Variants in JAM2 observed in about 807,000 individuals in gnomAD.
JAM2 encodes the protein junctional adhesion molecule B.
JAM2 carries 17 observed loss-of-function variants against 42.0 expected under a neutral mutation model. The ratio of observed to expected loss-of-function variants is 0.40; its 90% CI spans 0.28 to 0.61. The LOEUF (loss-of-function observed/expected upper bound fraction) is 0.61, where lower values mean the gene tolerates loss of function less well. Ranked by LOEUF, JAM2 falls within the 20% of genes least tolerant of loss-of-function variation. JAM2 has a pLI of 0.37. For missense variants in JAM2, 319 were observed against 358.3 expected (o/e 0.89, Z 0.89); for synonymous variants, 118 against 128.6 (o/e 0.92, Z 0.56).
intron 1 of JAM2, among the ~76,000 whole-genome samples, chr21:25,641,054 A>G (rs1031655900): frequency 2.0e-5 from 3 of 152,226 alleles, no homozygotes; most frequent in Admixed American, 1.3e-4. Flanking sequence ...GGCAAGGGAC[A>G]TGTACTGACC....
intron 4 of JAM2, among the ~76,000 whole-genome samples, chr21:25,695,466 G>A (rs568685127): frequency 7.2e-4 from 109 of 152,292 alleles, no homozygotes; most frequent in African/African-American, 2.5e-3. Context: ...TCGTCATCAT[G>A]GCCCGTTCTC....
intron 5 of JAM2, among the ~76,000 whole-genome samples, chr21:25,699,493 T>A (rs571350108): frequency 1.3e-5 from 2 of 151,744 alleles, no homozygotes; most frequent in Admixed American, 1.3e-4. Context: ...GAGGCCGAGG[T>A]GGGCGGATCA....
chr21:25,675,389 G>C (rs895607123), intron 1 of JAM2, among the ~76,000 whole-genome samples: 1 of 152,028 alleles, frequency 6.6e-6, no homozygotes, highest in Non-Finnish European at 1.5e-5. Context: ...CCAGCTACTC[G>C]GGAGGCCGAA....
At chr21:25,642,469 G>A (rs572906875) in intron 1 of JAM2, among the ~76,000 whole-genome samples, 1 of 152,210 alleles carries the variant, frequency 6.6e-6, no homozygotes, top group East Asian at 1.9e-4. Flanking sequence ...CTTCCCAGAT[G>A]TAACTGTGCC....
chr21:25,645,717 A>T (rs2032588706), intron 1 of JAM2, among the ~76,000 whole-genome samples: 1 of 152,200 alleles, frequency 6.6e-6, no homozygotes, highest in East Asian at 1.9e-4. Flanking sequence ...TTGTGTGATC[A>T]TAGAGTGTAC....
chr21:25,684,336 C>A (rs1053509612), intron 2 of JAM2, among the ~76,000 whole-genome samples: 1 of 152,118 alleles, frequency 6.6e-6, no homozygotes, highest in Non-Finnish European at 1.5e-5. Flanking sequence ...TTTGGGGTAC[C>A]ATGTTCTTAT....
chr21:25,678,976 A>T (rs531045267), intron 1 of JAM2, among the ~76,000 whole-genome samples: 3 of 152,184 alleles, frequency 2.0e-5, no homozygotes, highest in Non-Finnish European at 4.4e-5. Flanking sequence ...ATTTTTAAAA[A>T]TTTTTTGTAG....
At chr21:25,669,380 G>GA (rs869081472) in intron 1 of JAM2, among the ~76,000 whole-genome samples, 11 of 98,076 alleles carry the variant, frequency 1.1e-4, no homozygotes, top group Non-Finnish European at 2.0e-4. Flanking sequence ...TCAAAAAAAA[G>GA]AAAAAAAAGA....
At chr21:25,684,706 T>G (rs2033711817) in intron 2 of JAM2, among the ~76,000 whole-genome samples, 1 of 152,040 alleles carries the variant, frequency 6.6e-6, no homozygotes, top group Non-Finnish European at 1.5e-5. Flanking sequence ...CGGGGTCAAG[T>G]GATCCTCCCA....
intron 4 of JAM2, among the ~76,000 whole-genome samples, chr21:25,696,219 C>T (rs2034026169): frequency 6.6e-6 from 1 of 152,160 alleles, no homozygotes; most frequent in South Asian, 2.1e-4. Flanking sequence ...AACCCCGTCT[C>T]CACCAAAAAA....
intron 1 of JAM2, among the ~76,000 whole-genome samples, chr21:25,673,123 G>C: frequency 6.6e-6 from 1 of 152,202 alleles, no homozygotes; most frequent in East Asian, 1.9e-4. Flanking sequence ...TGTCTGATGA[G>C]GAGTGCCTGG....
intron 4 of JAM2, among the ~76,000 whole-genome samples, chr21:25,697,007 A>AT (rs11348784): frequency 0.046 from 6,174 of 133,284 alleles, 213 homozygotes; most frequent in Middle Eastern, 0.067. Flanking sequence ...GCACACACCT[A>AT]TTTTTTTTTT....
intron 5 of JAM2, among the ~76,000 whole-genome samples, chr21:25,700,316 CA>C (rs56985627): frequency 0.058 from 8,532 of 147,000 alleles, 818 homozygotes; most frequent in African/African-American, 0.2. Context: ...CAGCGATTAT[CA>C]AAAAAAAAAA....
chr21:25,651,769 AC>A (rs1380912031), intron 1 of JAM2, among the ~76,000 whole-genome samples: 1 of 152,212 alleles, frequency 6.6e-6, no homozygotes, highest in Non-Finnish European at 1.5e-5. Context: ...TAAATAAATA[AC>A]ACAATGGTAG....
intron 1 of JAM2, among the ~76,000 whole-genome samples, chr21:25,663,918 T>C (rs1246405410): frequency 1.3e-5 from 2 of 152,244 alleles, no homozygotes; most frequent in Non-Finnish European, 2.9e-5. Flanking sequence ...TTCCAGTCTC[T>C]TGTATTCTTT....
intron 1 of JAM2, among the ~76,000 whole-genome samples, chr21:25,647,457 T>C (rs1333496753): frequency 2.0e-5 from 3 of 152,220 alleles, no homozygotes; most frequent in South Asian, 2.1e-4. Flanking sequence ...ATATTATATA[T>C]AGTGTTGTGC....
At position 25,639,565 on chromosome 21, in the gene JAM2, C is replaced by T. The variant is rs1020568102; in HGVS notation, c.-257C>T. The T allele has an allele frequency of 4.7e-6, 2 of 424,714 alleles. No homozygotes were observed. The highest frequency in any genetic ancestry group is 8.3e-6 in the Non-Finnish European group (2 of 239,752). 26.3% of individuals were successfully genotyped at this position (424,714 alleles called of 1,614,324 possible). ...ACGCCTCGTCTGGTTTTCACGCCCT[C>T]TAGCCCCTACCCCCACACCCCCAAA... On this transcript the variant is annotated 5_prime_UTR_variant, in exon 1 of 10. Transcript: ENST00000480456.
intron 3 of JAM2, among the ~76,000 whole-genome samples, chr21:25,691,495 T>A (rs74312612): frequency 0.22 from 33,973 of 152,216 alleles, 3,954 homozygotes; most frequent in African/African-American, 0.29. Context: ...TGGCTGGGAC[T>A]ACAGGTGCAA....
chr21:25,712,626 T>C (rs776546761), intron 9 of JAM2, among the ~76,000 whole-genome samples: 5 of 152,236 alleles, frequency 3.3e-5, no homozygotes, highest in Non-Finnish European at 7.3e-5. Flanking sequence ...ATTTGTTTCA[T>C]GGTATTTTCT....
Sources: allele counts gnomAD v4.1 joint callset (sites outside exome capture counted in the v4.1 genomes callset), GRCh38; gene constraint gnomAD v4.1.1; transcripts MANE v1.5; gene names NCBI Gene and HGNC (gene_info 2026-07-23, HGNC 2026-07-21).